The following CNTNAP5 variants were observed in gnomAD, a reference collection of about 807,000 sequenced individuals.
The protein encoded by CNTNAP5 is contactin associated protein family member 5.
In CNTNAP5, 72 loss-of-function variants were observed where a neutral mutation model predicts 150.2. The observed-to-expected ratio is 0.48, with a 90% CI of 0.40 to 0.58. CNTNAP5 has a LOEUF of 0.58. Among genes scored for constraint, CNTNAP5 ranks in the 20% least tolerant of loss-of-function variants. The probability of loss-of-function intolerance (pLI) is 0.00; values close to 1 mark genes in which losing one functional copy is unlikely to be tolerated. For synonymous variants in CNTNAP5, 672 were observed against 619.8 expected, an observed-to-expected ratio of 1.08 and a Z score of -1.25; for missense variants, 1,636 against 1,626.2, an observed-to-expected ratio of 1.01 and a Z score of -0.10.
intron 22 of CNTNAP5, among the ~76,000 whole-genome samples, chr2:124,908,492 G>T (rs1351232792): frequency 6.6e-6 from 1 of 152,146 alleles, no homozygotes; most frequent in African/African-American, 2.4e-5. Flanking sequence ...TAAAGATAAT[G>T]GTCTGCATAG....
intron 4 of CNTNAP5, among the ~76,000 whole-genome samples, chr2:124,421,280 A>G (rs1692097609): frequency 6.6e-6 from 1 of 152,184 alleles, no homozygotes; most frequent in African/African-American, 2.4e-5. Context: ...TAGATATATT[A>G]AATAGAATAT....
At chr2:124,338,854 A>T (rs1329400835) in intron 3 of CNTNAP5, among the ~76,000 whole-genome samples, 1 of 152,162 alleles carries the variant, frequency 6.6e-6, no homozygotes, top group Non-Finnish European at 1.5e-5. Flanking sequence ...GAGGTCCAAC[A>T]AAACCAAAGG....
chr2:124,663,623 G>A (rs1678638209), intron 13 of CNTNAP5, among the ~76,000 whole-genome samples: 1 of 152,080 alleles, frequency 6.6e-6, no homozygotes, highest in Admixed American at 6.6e-5. Context: ...GAGGAAAGGA[G>A]GGAAAATCCT....
intron 12 of CNTNAP5, among the ~76,000 whole-genome samples, chr2:124,641,115 A>C (rs1678083181): frequency 7.7e-6 from 1 of 129,582 alleles, no homozygotes; most frequent in Non-Finnish European, 1.6e-5. Flanking sequence ...AACAAGAGCG[A>C]AACTCCATCT....
intron 13 of CNTNAP5, among the ~76,000 whole-genome samples, chr2:124,707,269 T>C (rs1339593962): frequency 6.6e-6 from 1 of 152,122 alleles, no homozygotes. Flanking sequence ...TCAGAGGTAA[T>C]GCCCAGGGTC....
At chr2:124,198,002 T>A (rs115739985) in intron 1 of CNTNAP5, among the ~76,000 whole-genome samples, 11,236 of 151,194 alleles carry the variant, frequency 0.074, 586 homozygotes, top group Non-Finnish European at 0.11. Context: ...AAAATAAAAA[T>A]AATAATAATA....
At chr2:124,580,687 C>T (rs533602414) in intron 11 of CNTNAP5, among the ~76,000 whole-genome samples, 3 of 152,274 alleles carry the variant, frequency 2.0e-5, no homozygotes, top group East Asian at 3.9e-4. Context: ...GTGCAGTCTC[C>T]GTCTCTCTCT....
chr2:124,676,239 T>G (rs1678936843), intron 13 of CNTNAP5, among the ~76,000 whole-genome samples: 1 of 152,216 alleles, frequency 6.6e-6, no homozygotes, highest in Non-Finnish European at 1.5e-5. Context: ...CAACTCCTCC[T>G]TAGCTTTCAC....
intron 14 of CNTNAP5, among the ~76,000 whole-genome samples, chr2:124,751,155 C>G (rs549385497): frequency 6.6e-6 from 1 of 151,084 alleles, no homozygotes; most frequent in South Asian, 2.1e-4. Flanking sequence ...GCAGCAGTTA[C>G]GTTTTGAAGG....
chr2:124,195,216 G>A (rs1685555106), intron 1 of CNTNAP5, among the ~76,000 whole-genome samples: 1 of 152,180 alleles, frequency 6.6e-6, no homozygotes, highest in South Asian at 2.1e-4. Flanking sequence ...TGGCCAAGCT[G>A]GAGAGCCAGG....
At chr2:124,117,361 A>G (rs1245478064) in intron 1 of CNTNAP5, among the ~76,000 whole-genome samples, 1 of 152,152 alleles carries the variant, frequency 6.6e-6, no homozygotes, top group Admixed American at 6.5e-5. Flanking sequence ...GCACAATACA[A>G]ACTCTGTGGA....
intron 14 of CNTNAP5, among the ~76,000 whole-genome samples, chr2:124,755,302 A>G (rs1680816048): frequency 6.6e-6 from 1 of 152,152 alleles, no homozygotes; most frequent in Admixed American, 6.5e-5. Context: ...GTAAAGTCTC[A>G]TTATTTGAGC....
chr2:124,375,977 T>G (rs1397965671), intron 3 of CNTNAP5, among the ~76,000 whole-genome samples: 2 of 152,078 alleles, frequency 1.3e-5, no homozygotes, highest in African/African-American at 2.4e-5. Context: ...ATTCCAGGCT[T>G]TGGCCTGCTG....
intron 13 of CNTNAP5, among the ~76,000 whole-genome samples, chr2:124,714,708 A>G (rs1348615988): frequency 6.6e-6 from 1 of 151,426 alleles, no homozygotes; most frequent in Non-Finnish European, 1.5e-5. Flanking sequence ...ACTTTATACT[A>G]TATATTGTAT....
chr2:124,504,499 G>C lies in CNTNAP5; in HGVS notation c.1270G>C (p.Gly424Arg). 3 of 1,613,792 alleles carry C rather than the reference G, an allele frequency of 1.9e-6. No individual in the cohort carries two copies. Among genetic ancestry groups the C allele is most frequent in the Non-Finnish European group, 1.7e-6 (2 of 1,179,812 alleles). The change falls in exon 8 of 24, where the codon GGA (glycine) becomes CGA (arginine). Residue 424 changes from glycine (G) to arginine (R), a missense_variant. Gly to Arg is a moderately radical substitution (Grantham distance 125, BLOSUM62 -2). Transcript: ENST00000682447. ...AACCCTGCTGCTGAGCCTGGAGGGT[G>C]GAATCCTGAGACTCGTGATTCAGAA... Reference protein sequence around the residue: ...SGTLLLSLEGGILRLVIQKMT... With the variant: ...SGTLLLSLEGRILRLVIQKMT...
intron 3 of CNTNAP5, among the ~76,000 whole-genome samples, chr2:124,347,284 C>A (rs72839455): frequency 6.6e-6 from 1 of 151,922 alleles, no homozygotes; most frequent in Non-Finnish European, 1.5e-5. Flanking sequence ...CTAGCTAAGG[C>A]GTTCTCCAGT....
intron 11 of CNTNAP5, among the ~76,000 whole-genome samples, chr2:124,608,713 G>A (rs1677306612): frequency 6.6e-6 from 1 of 152,156 alleles, no homozygotes; most frequent in African/African-American, 2.4e-5. Flanking sequence ...TTGGGAGGCT[G>A]AGGTGGGTGG....
At chr2:124,893,274 G>T (rs998432369) in intron 21 of CNTNAP5, among the ~76,000 whole-genome samples, 2 of 152,062 alleles carry the variant, frequency 1.3e-5, no homozygotes, top group Admixed American at 1.3e-4. Flanking sequence ...TAACACAGAA[G>T]ATGGTCCAGT....
chr2:124,328,083 C>T (rs1689264645), intron 3 of CNTNAP5, among the ~76,000 whole-genome samples: 1 of 151,784 alleles, frequency 6.6e-6, no homozygotes, highest in Non-Finnish European at 1.5e-5. Flanking sequence ...AAAAGCAGAG[C>T]TACAGAAAGA....
Sources: allele counts gnomAD v4.1 joint callset (sites outside exome capture counted in the v4.1 genomes callset), GRCh38; gene constraint gnomAD v4.1.1; transcripts MANE v1.5; gene names NCBI Gene and HGNC (gene_info 2026-07-23, HGNC 2026-07-21).